Variants in PREX1 observed in about 807,000 individuals in gnomAD.
PREX1 encodes the protein phosphatidylinositol 3,4,5-trisphosphate-dependent Rac exchanger 1 protein.
Under a neutral mutation model 198.3 loss-of-function variants are expected in PREX1, and 41 were observed. The ratio of observed to expected loss-of-function variants is 0.21; its 90% CI spans 0.16 to 0.27. The LOEUF (loss-of-function observed/expected upper bound fraction) is 0.27, where lower values mean the gene tolerates loss of function less well. Ranked by LOEUF, PREX1 falls within the 10% of genes least tolerant of loss-of-function variation. The pLI is 1.00. For synonymous variants in PREX1, 843 were observed against 887.2 expected, an observed-to-expected ratio of 0.95 and a Z score of 0.89; for missense variants, 1,620 against 2,200.7, an observed-to-expected ratio of 0.74 and a Z score of 5.28.
chr20:48,626,961 C>T (rs1025854336), intron 39 of PREX1, among the ~76,000 whole-genome samples: 2 of 152,160 alleles, frequency 1.3e-5, no homozygotes, highest in African/African-American at 4.8e-5. Context: ...GACTGAAAAC[C>T]ACATGAAGAG....
chr20:48,704,875 G>A (rs2089895511), intron 6 of PREX1, among the ~76,000 whole-genome samples: 2 of 152,204 alleles, frequency 1.3e-5, no homozygotes. Context: ...CTTCTTAAGA[G>A]TACACATTTC....
intron 1 of PREX1, among the ~76,000 whole-genome samples, chr20:48,810,716 A>C (rs1397121526): frequency 6.6e-6 from 1 of 151,636 alleles, no homozygotes; most frequent in Non-Finnish European, 1.5e-5. Flanking sequence ...GCAAAACCCC[A>C]TCTCTATTAA....
chr20:48,791,287 C>T (rs1333850829), intron 1 of PREX1, among the ~76,000 whole-genome samples: 1 of 152,196 alleles, frequency 6.6e-6, no homozygotes, highest in Non-Finnish European at 1.5e-5. Flanking sequence ...CACGTCTGTG[C>T]ATTTGTGTGT....
At chr20:48,798,508 C>A (rs2090372721) in intron 1 of PREX1, among the ~76,000 whole-genome samples, 1 of 152,230 alleles carries the variant, frequency 6.6e-6, no homozygotes, top group Non-Finnish European at 1.5e-5. Context: ...CATGCTCTGT[C>A]CCATTACCCT....
chr20:48,727,871 C>G (rs905278019), intron 4 of PREX1, among the ~76,000 whole-genome samples: 3 of 152,224 alleles, frequency 2.0e-5, no homozygotes, highest in Admixed American at 1.3e-4. Flanking sequence ...GCACTACCCT[C>G]TCCTTCAGAG....
At chr20:48,688,610 C>T in intron 10 of PREX1, 47 bp downstream of exon 10, 2 of 1,611,122 alleles carry the variant, frequency 1.2e-6, no homozygotes, top group Non-Finnish European at 8.5e-7. Flanking sequence ...GCCCCACCTC[C>T]AGCTGAGAGC....
At chr20:48,829,073 C>T (rs2090527916), upstream of PREX1, among the ~76,000 whole-genome samples, 1 of 152,164 alleles carries the variant, frequency 6.6e-6, no homozygotes, top group African/African-American at 2.4e-5. Flanking sequence ...GCTCCAAGGT[C>T]CTCCCCGGGG....
At chr20:48,673,967 G>A (rs1263984718) in intron 14 of PREX1, among the ~76,000 whole-genome samples, 1 of 152,202 alleles carries the variant, frequency 6.6e-6, no homozygotes, top group Non-Finnish European at 1.5e-5. Flanking sequence ...GGCCCGGACA[G>A]GCTGAGCAAC....
At chr20:48,718,077 C>T (rs751752664) in intron 5 of PREX1, among the ~76,000 whole-genome samples, 1 of 152,232 alleles carries the variant, frequency 6.6e-6, no homozygotes, top group Non-Finnish European at 1.5e-5. Context: ...CCACCCAACT[C>T]GCTAAGTTAC....
At chr20:48,883,948 G>C in the PREX1 span, among the ~76,000 whole-genome samples, 154 of 152,102 alleles carry the variant, frequency 1.0e-3, 1 homozygote, top group African/African-American at 3.6e-3. Flanking sequence ...AGACCATCCT[G>C]GCTAACACGG....
intron 1 of PREX1, among the ~76,000 whole-genome samples, chr20:48,796,283 A>C (rs1240109598): frequency 6.6e-6 from 1 of 151,898 alleles, no homozygotes; most frequent in Admixed American, 6.6e-5. Flanking sequence ...GTCCATCAAC[A>C]GGGGACTAAT....
chr20:48,801,181 C>T (rs942447324), intron 1 of PREX1, among the ~76,000 whole-genome samples: 1 of 152,170 alleles, frequency 6.6e-6, no homozygotes. Flanking sequence ...TAGCAGTATT[C>T]GTACTGGCAT....
intron 3 of PREX1, among the ~76,000 whole-genome samples, chr20:48,740,711 T>C (rs1479900262): frequency 6.6e-6 from 1 of 152,242 alleles, no homozygotes; most frequent in African/African-American, 2.4e-5. Flanking sequence ...ATAATTTTAA[T>C]TTTTAATTAA....
upstream of PREX1, among the ~76,000 whole-genome samples, chr20:48,831,286 T>C (rs967293386): frequency 6.6e-6 from 1 of 152,240 alleles, no homozygotes; most frequent in African/African-American, 2.4e-5. Flanking sequence ...GAAAAGTCCC[T>C]GACCGAGGGC....
In PREX1 at chr20:48,634,567, C is replaced by A; in HGVS notation, c.4267+109G>T. On this transcript the variant is annotated intron_variant, in intron 33 of 39. Coordinates refer to ENST00000371941, the MANE Select transcript of PREX1 (RefSeq NM_020820.4). ...TGACAGCACTGAGTACTGAGCCCAC[C>A]TTGGGCAGCTGGCCCAGAGGCAGGG... The A allele has an allele frequency of 2.7e-6, 3 of 1,117,004 alleles. No homozygotes were observed. In the South Asian group the frequency reaches 4.2e-5, roughly 16 times the overall value. 69.2% of individuals were successfully genotyped at this position (1,117,004 alleles called of 1,614,324 possible). A position where few individuals can be genotyped will look rare whatever the true frequency, so the allele number is the denominator to read the frequency against.
the PREX1 span, among the ~76,000 whole-genome samples, chr20:48,846,462 C>G: frequency 3.9e-5 from 6 of 152,108 alleles, no homozygotes; most frequent in African/African-American, 1.4e-4. Flanking sequence ...TCTCCTCCCC[C>G]ACCATCCTGC....
In PREX1 at chr20:48,792,853, C is replaced by CACACAT. The variant is rs1256864071; in HGVS notation, c.219+34788_219+34789insATGTGT. ...ACACACACACACACACACACACACACATAGTATGATTCCATTTATATCCAT... is the reference window on the plus strand; with the variant it reads ...ACACACACACACACACACACACACACACACATATAGTATGATTCCATTTATATCCAT... On this transcript the variant is annotated intron_variant, in intron 1 of 39. Coordinates refer to ENST00000371941, the MANE Select transcript of PREX1 (RefSeq NM_020820.4). 1.6e-3 allele frequency among the ~76,000 whole-genome samples: 239 copies of CACACAT among 145,354 alleles called. 4 individuals are homozygous for CACACAT. The highest frequency in any genetic ancestry group is 5.8e-3 in the African/African-American group (220 of 38,094).
the PREX1 span, among the ~76,000 whole-genome samples, chr20:48,841,001 T>C: frequency 3.3e-5 from 5 of 151,966 alleles, no homozygotes; most frequent in Non-Finnish European, 5.9e-5. Flanking sequence ...GGTCTCACTA[T>C]GTTGCCCAGA....
chr20:48,715,257 G>A (rs2089956782), intron 5 of PREX1, among the ~76,000 whole-genome samples: 1 of 152,202 alleles, frequency 6.6e-6, no homozygotes, highest in Non-Finnish European at 1.5e-5. Context: ...ACCTCAAGGA[G>A]TCCAATGGGA....
Sources: allele counts gnomAD v4.1 joint callset (sites outside exome capture counted in the v4.1 genomes callset), GRCh38; gene constraint gnomAD v4.1.1; transcripts MANE v1.5; gene names NCBI Gene and HGNC (gene_info 2026-07-23, HGNC 2026-07-21).